Variants in ATXN10 observed in about 807,000 individuals in gnomAD.
ATXN10 encodes the protein ataxin 10, also known as ataxin-10.
In ATXN10, 28 loss-of-function variants were observed where a neutral mutation model predicts 52.9. The observed-to-expected ratio is 0.53, with a 90% CI of 0.39 to 0.73. The LOEUF (loss-of-function observed/expected upper bound fraction) is 0.73, where lower values mean the gene tolerates loss of function less well. Ranked by LOEUF, ATXN10 falls within the 30% of genes least tolerant of loss-of-function variation. The pLI is 0.00. For missense variants in ATXN10, 565 were observed against 577.0 expected, an observed-to-expected ratio of 0.98 and a Z score of 0.21; for synonymous variants, 226 against 221.5, an observed-to-expected ratio of 1.02 and a Z score of -0.18.
At chr22:45,729,285 T>C (rs1184481718) in intron 6 of ATXN10, 140 bp from the exon 7 acceptor site, 2 of 816,434 alleles carry the variant, frequency 2.4e-6, no homozygotes, top group African/African-American at 3.5e-5. Context: ...ACTTTATTCA[T>C]GTTTTTCCTA....
In ATXN10 at chr22:45,781,089, A is replaced by G. The variant is rs1406393133; in HGVS notation, c.1174-25870A>G. Reference sequence around the variant, plus strand: ...AGGACCAAGAAGGGGACAACTTAAGACAGAAAACTTTTAGACAGTAAGTGC... The same window carrying G: ...AGGACCAAGAAGGGGACAACTTAAGGCAGAAAACTTTTAGACAGTAAGTGC... On this transcript the variant is annotated intron_variant, in intron 9 of 11. Coordinates refer to ENST00000252934, the MANE Select transcript of ATXN10 (RefSeq NM_013236.4). The surrounding 1 kb of genome is among the most constrained non-coding windows in gnomAD (Gnocchi z 4.2). Among the ~76,000 whole-genome samples, 3 of 152,220 alleles carry G rather than the reference A, an allele frequency of 2.0e-5. No individual in the cohort carries two copies. In the South Asian group the frequency reaches 6.2e-4, roughly 31 times the overall value.
intron 9 of ATXN10, among the ~76,000 whole-genome samples, chr22:45,785,281 C>G (rs971320293): frequency 6.6e-6 from 1 of 152,162 alleles, no homozygotes; most frequent in Non-Finnish European, 1.5e-5. Context: ...TTCATATTTT[C>G]TCCTGCTTCT....
In ATXN10 at chr22:45,808,311, G is replaced by A. The variant is rs564372931; in HGVS notation, c.1237+1289G>A. Among the ~76,000 whole-genome samples, 14 of 152,300 alleles carry A rather than the reference G, an allele frequency of 9.2e-5. No individual in the cohort carries two copies. In the South Asian group the frequency reaches 1.2e-3, roughly 14 times the overall value. ...AGATGTTGCATTTCCCAATGAAAACGATGATTTATTATGAAAAAAGAAATT... is the reference window on the plus strand; with the variant it reads ...AGATGTTGCATTTCCCAATGAAAACAATGATTTATTATGAAAAAAGAAATT... On this transcript the variant is annotated intron_variant, in intron 10 of 11. Coordinates refer to ENST00000252934, the MANE Select transcript of ATXN10 (RefSeq NM_013236.4).
In ATXN10 at chr22:45,701,123, T is replaced by C. The variant is rs73886494; in HGVS notation, c.488+745T>C. On this transcript the variant is annotated intron_variant, in intron 4 of 11. Coordinates refer to ENST00000252934, the MANE Select transcript of ATXN10 (RefSeq NM_013236.4). The surrounding 1 kb of genome is among the most constrained non-coding windows in gnomAD (Gnocchi z 4.2). ...TAGGCTTTGGTGCCAATGAATGGGG[T>C]GACTTTGATGGTTGCAACAGTATAA... Among the ~76,000 whole-genome samples the C allele has an allele frequency of 0.018, 2,772 of 152,088 alleles. 95 individuals are homozygous for C. The highest frequency in any genetic ancestry group is 0.063 in the African/African-American group (2,624 of 41,462).
chr22:45,689,751 T>C lies in ATXN10; in HGVS notation c.156T>C (p.Asp52=), dbSNP rs1172013561. ...GGACTATCTTCCAAAGAGTTCTGGA[T>C]ATCCTAAAGAAATCTTCTCATGCTG... is the stretch of plus-strand genomic sequence containing the variant. ...APRTIFQRVL[D]ILKKSSHAVE... is the part of the protein sequence containing the mutation. The change falls in exon 2 of 12, where the codon GAT becomes GAC. Residue 52 remains aspartate (D), a synonymous_variant. Transcript: ENST00000252934. 2 of 1,614,204 alleles carry C rather than the reference T, an allele frequency of 1.2e-6. No homozygotes were observed. Among genetic ancestry groups the C allele is most frequent in the East Asian group, 2.2e-5 (1 of 44,884 alleles).
intron 2 of ATXN10, among the ~76,000 whole-genome samples, chr22:45,691,376 T>A (rs1037464905): frequency 4.6e-5 from 7 of 152,246 alleles, no homozygotes; most frequent in Non-Finnish European, 8.8e-5. Flanking sequence ...TTGGGCTTTG[T>A]CCCAAGGGTT....
intron 1 of ATXN10, among the ~76,000 whole-genome samples, chr22:45,686,277 C>T (rs1923131666): frequency 6.6e-6 from 1 of 152,296 alleles, no homozygotes; most frequent in South Asian, 2.1e-4. Context: ...AGTCTCATCA[C>T]TGTTTAAAAC....
At chr22:45,792,857 G>T (rs951892738) in intron 9 of ATXN10, 2 of 511,168 alleles carry the variant, frequency 3.9e-6, no homozygotes, top group Admixed American at 2.1e-5. Flanking sequence ...AAAAACCTTC[G>T]ACATTTTTAC....
At chr22:45,809,580 C>T (rs918572321) in intron 10 of ATXN10, among the ~76,000 whole-genome samples, 9 of 152,174 alleles carry the variant, frequency 5.9e-5, no homozygotes, top group Non-Finnish European at 1.2e-4. Context: ...CTGTACACCA[C>T]CTCCTCCCCT....
intron 10 of ATXN10, among the ~76,000 whole-genome samples, chr22:45,834,203 T>C (rs1382763307): frequency 6.6e-6 from 1 of 152,216 alleles, no homozygotes; most frequent in Admixed American, 6.5e-5. Context: ...TACAAAGCTT[T>C]GCTTGCATTG....
intron 6 of ATXN10, among the ~76,000 whole-genome samples, chr22:45,719,077 A>G (rs886262087): frequency 2.0e-5 from 3 of 149,554 alleles, no homozygotes; most frequent in African/African-American, 4.9e-5. Flanking sequence ...CTAAACCTCT[A>G]TGGTAAGGTA....
In ATXN10 at chr22:45,742,439, A is replaced by C. The variant is rs193263366; in HGVS notation, c.1173+1901A>C. Among the ~76,000 whole-genome samples, 256 of 152,264 alleles carry C rather than the reference A, an allele frequency of 1.7e-3. 1 individual carries two copies. The highest frequency in any genetic ancestry group is 6.0e-3 in the African/African-American group (248 of 41,544). On this transcript the variant is annotated intron_variant, in intron 9 of 11. Transcript: ENST00000252934. ...ATGTAAAGGAGATACGCTTCATAAG[A>C]GTGAAAAGGTGGGATATCTCAGCAG...
chr22:45,739,670 C>G (rs911359131), intron 8 of ATXN10, among the ~76,000 whole-genome samples: 2 of 152,326 alleles, frequency 1.3e-5, no homozygotes, highest in Admixed American at 6.5e-5. Context: ...CCAGCTCTGC[C>G]AGGTGCCAAC....
rs545734221 is a variant in ATXN10 at position 45,789,194 on chromosome 22, G to A, written c.1174-17765G>A. Among the ~76,000 whole-genome samples, 91 of 152,238 alleles carry A rather than the reference G, an allele frequency of 6.0e-4. 1 individual carries two copies. The Middle Eastern group carries it at 0.017, about 28-fold the overall frequency. On this transcript the variant is annotated intron_variant, in intron 9 of 11. Transcript: ENST00000252934. This position sits in a 1 kb window ranked among gnomAD's most constrained non-coding sequence, Gnocchi z 4.0. The stretch of plus-strand genomic sequence containing the variant: ...AGTCTTTGGCCACTCTCAATCTCTA[G>A]TAGATCATCTTAATTATTTATTTTA...
Position 45,818,660 on chromosome 22 carries a change from C to G in ATXN10, c.1237+11638C>G, listed in dbSNP as rs932958854. Among the ~76,000 whole-genome samples, 2 of 151,850 alleles carry G rather than the reference C, an allele frequency of 1.3e-5. No individual in the cohort carries two copies. Among genetic ancestry groups the G allele is most frequent in the African/African-American group, 2.4e-5 (1 of 41,268 alleles). On this transcript the variant is annotated intron_variant, in intron 10 of 11. Coordinates refer to ENST00000252934, the MANE Select transcript of ATXN10 (RefSeq NM_013236.4). The surrounding 1 kb of genome is among the most constrained non-coding windows in gnomAD (Gnocchi z 4.6). Reference sequence around the variant, plus strand: ...AGGGATCAGGGGGCAGGGATCATCACGCAGGAAGCTGTGTGAAAGAGGTGT... The same window carrying G: ...AGGGATCAGGGGGCAGGGATCATCAGGCAGGAAGCTGTGTGAAAGAGGTGT...
chr22:45,828,351 A>C lies in ATXN10; in HGVS notation c.1238-14640A>C, dbSNP rs937116107. ...ATTAAAAAATAAGAAAGTTCAAAGA[A>C]CTAGATAAGGACATAGAAAAAGTAA... On this transcript the variant is annotated intron_variant, in intron 10 of 11. Transcript: ENST00000252934. This position sits in a 1 kb window ranked among gnomAD's most constrained non-coding sequence, Gnocchi z 4.5. Among the ~76,000 whole-genome samples, 12 of 152,114 alleles carry C rather than the reference A, an allele frequency of 7.9e-5. No homozygotes were observed. The highest frequency in any genetic ancestry group is 1.2e-4 in the Non-Finnish European group (8 of 68,020).
rs1302613172 is a variant in ATXN10 at position 45,823,638 on chromosome 22, C to T, written c.1237+16616C>T. 6.6e-6 allele frequency among the ~76,000 whole-genome samples: 1 copy of T among 152,100 alleles called. No homozygotes were observed. Among genetic ancestry groups the T allele is most frequent in the African/African-American group, 2.4e-5 (1 of 41,400 alleles). The stretch of plus-strand genomic sequence containing the variant: ...TTATGATCTTGGTATCCGGTAGGGC[C>T]AATTTTGAATGTTAACCAACTTTTC... On this transcript the variant is annotated intron_variant, in intron 10 of 11. Coordinates refer to ENST00000252934, the MANE Select transcript of ATXN10 (RefSeq NM_013236.4). The surrounding 1 kb of genome is among the most constrained non-coding windows in gnomAD (Gnocchi z 4.9).
chr22:45,735,825 T>C (rs1007999265), intron 7 of ATXN10, among the ~76,000 whole-genome samples: 4 of 148,446 alleles, frequency 2.7e-5, no homozygotes, highest in African/African-American at 7.4e-5. Context: ...TTTTTTTTTT[T>C]TTTTTTTTTT....
intron 5 of ATXN10, among the ~76,000 whole-genome samples, chr22:45,713,887 TC>T (rs1008234875): frequency 5.3e-5 from 8 of 152,212 alleles, no homozygotes; most frequent in Admixed American, 2.6e-4. Flanking sequence ...TTCATCAGTC[TC>T]TTCTCTATGG....
Sources: gnomAD v4.1 joint callset for allele counts (sites outside exome capture counted in the v4.1 genomes callset) on GRCh38, gnomAD v4.1.1 for gene constraint, Gnocchi (gnomAD v3.1) non-coding constraint, MANE v1.5 for transcripts, NCBI Gene and HGNC (gene_info 2026-07-23, HGNC 2026-07-21) for gene names.